The following DGKB variants were observed in gnomAD, a reference collection of about 807,000 sequenced individuals.
The protein encoded by DGKB is 90 kDa diacylglycerol kinase.
DGKB carries 67 observed loss-of-function variants against 114.3 expected under a neutral mutation model. That is an observed-to-expected ratio of 0.59 (90% CI 0.48 to 0.72). The LOEUF (loss-of-function observed/expected upper bound fraction) is 0.72, where lower values mean the gene tolerates loss of function less well. Ranked by LOEUF, DGKB falls within the 30% of genes least tolerant of loss-of-function variation. The pLI is 0.00. For missense variants in DGKB, 907 were observed against 975.2 expected (o/e 0.93, Z 0.93); for synonymous variants, 398 against 323.1 (o/e 1.23, Z -2.49).
At chr7:14,166,688 A>G (rs1201224363) in intron 25 of DGKB, among the ~76,000 whole-genome samples, 3 of 152,212 alleles carry the variant, frequency 2.0e-5, no homozygotes, top group Non-Finnish European at 2.9e-5. Flanking sequence ...AATAAAAGGC[A>G]AATTGGGGAA....
intron 1 of DGKB, among the ~76,000 whole-genome samples, chr7:14,930,107 G>A (rs1784930805): frequency 1.3e-5 from 2 of 152,116 alleles, no homozygotes. Context: ...CCAGTACCAT[G>A]CTGTTTTTGT....
intron 2 of DGKB, among the ~76,000 whole-genome samples, chr7:14,825,663 C>T (rs1845606945): frequency 6.6e-6 from 1 of 152,100 alleles, no homozygotes; most frequent in South Asian, 2.1e-4. Context: ...TTTTGCTGTG[C>T]AGCCTGGTTC....
At chr7:14,561,111 G>C (rs75664161) in intron 20 of DGKB, among the ~76,000 whole-genome samples, 508 of 152,134 alleles carry the variant, frequency 3.3e-3, no homozygotes, top group African/African-American at 0.011. Flanking sequence ...TCATTGGAGG[G>C]ACCCAGTGGA....
At chr7:14,217,929 T>C (rs1789271272) in intron 23 of DGKB, among the ~76,000 whole-genome samples, 2 of 152,164 alleles carry the variant, frequency 1.3e-5, no homozygotes, top group African/African-American at 2.4e-5. Flanking sequence ...TCCATACTTT[T>C]GTAATAATAA....
chr7:14,284,125 G>A (rs1440293579), intron 23 of DGKB, among the ~76,000 whole-genome samples: 2 of 151,878 alleles, frequency 1.3e-5, no homozygotes, highest in African/African-American at 4.8e-5. Context: ...TCTGACAAAG[G>A]GCTAATATCC....
At chr7:14,180,303 C>A (rs563098372) in intron 23 of DGKB, among the ~76,000 whole-genome samples, 7 of 152,200 alleles carry the variant, frequency 4.6e-5, no homozygotes, top group African/African-American at 1.7e-4. Context: ...ATCTGTGAGC[C>A]CTAACTTTTT....
intron 23 of DGKB, among the ~76,000 whole-genome samples, chr7:14,250,296 A>T (rs933299720): frequency 1.3e-5 from 2 of 151,808 alleles, no homozygotes; most frequent in African/African-American, 4.8e-5. Context: ...GATTTATTAA[A>T]TTTCCATCTT....
chr7:14,276,237 A>G (rs11975701), intron 23 of DGKB, among the ~76,000 whole-genome samples: 1 of 152,160 alleles, frequency 6.6e-6, no homozygotes, highest in Admixed American at 6.5e-5. Context: ...AAAAAAGGCA[A>G]GTAAATCTAT....
chr7:14,568,952 A>G (rs970548258), intron 20 of DGKB, among the ~76,000 whole-genome samples: 4 of 152,188 alleles, frequency 2.6e-5, no homozygotes, highest in African/African-American at 9.7e-5. Flanking sequence ...TGCTCATCTG[A>G]AGCTTTTTCA....
intron 21 of DGKB, among the ~76,000 whole-genome samples, chr7:14,396,385 T>C (rs1231586830): frequency 1.3e-5 from 2 of 152,152 alleles, no homozygotes; most frequent in Non-Finnish European, 2.9e-5. Context: ...ATTTAATTAC[T>C]AACAGATTAT....
intron 25 of DGKB, 100 bp downstream of exon 25, chr7:14,176,739 T>A: frequency 6.5e-7 from 1 of 1,543,438 alleles, no homozygotes; most frequent in Admixed American, 1.9e-5. Context: ...TGCTGATAGG[T>A]TGAAAAGAAA....
intron 13 of DGKB, among the ~76,000 whole-genome samples, chr7:14,662,597 C>G (rs1024317758): frequency 3.3e-5 from 5 of 151,842 alleles, no homozygotes; most frequent in African/African-American, 7.3e-5. Flanking sequence ...AAAACAGTTT[C>G]AACTAAAATA....
At chr7:14,236,666 C>T (rs1439034341) in intron 23 of DGKB, among the ~76,000 whole-genome samples, 2 of 151,776 alleles carry the variant, frequency 1.3e-5, no homozygotes, top group East Asian at 1.9e-4. Context: ...GAAATTTTTT[C>T]CCCCTATGAA....
intron 23 of DGKB, among the ~76,000 whole-genome samples, chr7:14,304,555 C>T (rs1804149149): frequency 1.3e-5 from 2 of 152,068 alleles, no homozygotes; most frequent in Non-Finnish European, 2.9e-5. Context: ...GCATTACAGC[C>T]CAAACAGATT....
intron 25 of DGKB, among the ~76,000 whole-genome samples, chr7:14,169,559 G>A (rs1340939673): frequency 6.6e-6 from 1 of 152,048 alleles, no homozygotes; most frequent in Admixed American, 6.6e-5. Flanking sequence ...TTCCTATGAG[G>A]CATAGCAGTC....
chr7:14,315,542 T>C (rs1173303579), intron 23 of DGKB, among the ~76,000 whole-genome samples: 2 of 151,236 alleles, frequency 1.3e-5, no homozygotes, highest in African/African-American at 4.9e-5. Context: ...AAGAAGGCCA[T>C]TACATAATGG....
At chr7:14,169,358 C>G (rs1178581704) in intron 25 of DGKB, among the ~76,000 whole-genome samples, 5 of 117,320 alleles carry the variant, frequency 4.3e-5, no homozygotes, top group Non-Finnish European at 1.0e-4. Flanking sequence ...GAGCGAGACT[C>G]CGTCTCAAAA....
intron 4 of DGKB, among the ~76,000 whole-genome samples, chr7:14,746,701 G>A (rs1000877151): frequency 2.6e-5 from 4 of 152,082 alleles, no homozygotes; most frequent in Non-Finnish European, 5.9e-5. Context: ...GTTTCACCAT[G>A]TGGGCCAGGC....
chr7:14,685,675 A>G (rs1040547284), intron 9 of DGKB, among the ~76,000 whole-genome samples: 1 of 152,200 alleles, frequency 6.6e-6, no homozygotes, highest in African/African-American at 2.4e-5. Context: ...TTCTTTAAAT[A>G]CTTTATCCTT....
Sources: gnomAD v4.1 joint callset for allele counts (sites outside exome capture counted in the v4.1 genomes callset) on GRCh38, gnomAD v4.1.1 for gene constraint, MANE v1.5 for transcripts, NCBI Gene and HGNC (gene_info 2026-07-23, HGNC 2026-07-21) for gene names.